DYSF: variants seen among roughly 807,000 people sequenced by gnomAD.
The protein encoded by DYSF is dystrophy-associated fer-1-like 1.
Under a neutral mutation model 274.9 loss-of-function variants are expected in DYSF, and 212 were observed. That is an observed-to-expected ratio of 0.77 (90% CI 0.69 to 0.86). The LOEUF (loss-of-function observed/expected upper bound fraction) is 0.86. DYSF is among the 40% of genes least tolerant of loss of function. The probability of loss-of-function intolerance (pLI) is 0.00; values close to 1 mark genes in which losing one functional copy is unlikely to be tolerated. For synonymous variants in DYSF, 1,091 were observed against 1,078.7 expected (o/e 1.01, Z -0.22); for missense variants, 2,666 against 2,783.2 (o/e 0.96, Z 0.95).
At chr2:71,520,315 G>C (rs2087118086) in intron 11 of DYSF, 107 bp downstream of exon 11, 1 of 1,244,576 alleles carries the variant, frequency 8.0e-7, no homozygotes, top group South Asian at 1.2e-5. Context: ...TTAGAATCTA[G>C]AGGAAGGGTT....
intron 45 of DYSF, among the ~76,000 whole-genome samples, chr2:71,661,190 C>CTTT (rs112275022): frequency 7.4e-6 from 1 of 134,730 alleles, no homozygotes; most frequent in Non-Finnish European, 1.6e-5. Flanking sequence ...TTTGCTAATT[C>CTTT]TTTTTTTTTT....
At chr2:71,509,775 A>C (rs1029315251) in intron 4 of DYSF, among the ~76,000 whole-genome samples, 3 of 151,644 alleles carry the variant, frequency 2.0e-5, no homozygotes, top group Non-Finnish European at 2.9e-5. Context: ...TTATTTATTT[A>C]TTATTTTATT....
At chr2:71,654,718 G>T (rs1438687353) in intron 42 of DYSF, among the ~76,000 whole-genome samples, 2 of 152,082 alleles carry the variant, frequency 1.3e-5, no homozygotes, top group African/African-American at 4.8e-5. Context: ...CCATTAGGAA[G>T]GAAGAGTTTT....
chr2:71,543,564 TG>T (rs1559119415), intron 17 of DYSF, among the ~76,000 whole-genome samples: 1 of 152,174 alleles, frequency 6.6e-6, no homozygotes, highest in African/African-American at 2.4e-5. Context: ...CACTCCAGCC[TG>T]GGCAACATTG....
chr2:71,516,248 T>A lies in DYSF; in HGVS notation c.951+6T>A. 1 of 1,613,948 alleles carries A rather than the reference T, an allele frequency of 6.2e-7. No individual in the cohort carries two copies. On this transcript the variant is annotated splice_donor_region_variant and intron_variant, in intron 9 of 55. Coordinates refer to ENST00000410020, the MANE Select transcript of DYSF (RefSeq NM_001130987.2). ...ATGAGCCCATCTTTATCACGGTATG[T>A]CTCAGCAGTCAAAGTGTTCTCCGTG...
chr2:71,635,108 A>G (rs2094377461), intron 41 of DYSF, among the ~76,000 whole-genome samples: 1 of 152,160 alleles, frequency 6.6e-6, no homozygotes, highest in Non-Finnish European at 1.5e-5. Flanking sequence ...CTGGACCCCC[A>G]AAGTTATAGA....
upstream of DYSF, among the ~76,000 whole-genome samples, chr2:71,464,550 G>C (rs768365105): frequency 6.6e-6 from 1 of 152,186 alleles, no homozygotes; most frequent in Non-Finnish European, 1.5e-5. Context: ...GGAGGCGCTG[G>C]TCTGGCCTGT....
chr2:71,523,738 G>T (rs1447874005), intron 12 of DYSF, among the ~76,000 whole-genome samples: 1 of 151,920 alleles, frequency 6.6e-6, no homozygotes, highest in Admixed American at 6.6e-5. Flanking sequence ...GTAGAGACGG[G>T]GTTTCACCAT....
chr2:71,494,087 C>T (rs2084144714), intron 3 of DYSF, among the ~76,000 whole-genome samples: 1 of 151,818 alleles, frequency 6.6e-6, no homozygotes, highest in Non-Finnish European at 1.5e-5. Flanking sequence ...TTTTTGCAGT[C>T]TTTTGTGAGG....
chr2:71,662,418 GTGTATATGTGTGTA>G (rs1285320086), intron 45 of DYSF, among the ~76,000 whole-genome samples: 1 of 151,946 alleles, frequency 6.6e-6, no homozygotes, highest in Non-Finnish European at 1.5e-5. Flanking sequence ...GCAGTTGTGT[GTGTATATGTGTGTA>G]TGTATGTGTG....
Position 71,466,859 on chromosome 2 carries a change from T to G in DYSF, c.17T>G (p.Leu6Arg). 2 of 1,542,570 alleles carry G rather than the reference T, an allele frequency of 1.3e-6. No homozygotes were observed. The highest frequency in any genetic ancestry group is 1.8e-6 in the Non-Finnish European group (2 of 1,140,228). The change falls in exon 1 of 56, where the codon CTG (leucine) becomes CGG (arginine). Residue 6 changes from leucine to arginine, a missense_variant. This residue lies in a region of DYSF where 794 missense variants were observed against 777.1 expected (regional missense o/e 1.02). Transcript: ENST00000410020. The stretch of plus-strand genomic sequence containing the variant: ...TGCCCAGCCATGCTGTGCTGCCTGC[T>G]GGTGAGGGCCAGCAACCTCCCCAGT... MLCCLLVRASNLPSAK... is the reference protein window; with the variant it reads MLCCLRVRASNLPSAK...
At chr2:71,476,025 G>A (rs2082368044) in intron 1 of DYSF, among the ~76,000 whole-genome samples, 1 of 152,244 alleles carries the variant, frequency 6.6e-6, no homozygotes, top group African/African-American at 2.4e-5. Context: ...TCCCACCTCA[G>A]CCTCCCAAAC....
At position 71,668,756 on chromosome 2, in the gene DYSF, G is replaced by C. The variant is rs549937720; in HGVS notation, c.5460G>C (p.Gly1820=). 6.2e-7 allele frequency: 1 copy of C among 1,613,664 alleles called. No homozygotes were observed. The highest frequency in any genetic ancestry group is 1.3e-5 in the African/African-American group (1 of 75,062). The change falls in exon 49 of 56, where the codon GGG becomes GGC. Residue 1820 remains glycine, a splice_region_variant and synonymous_variant. Coordinates refer to ENST00000410020, the MANE Select transcript of DYSF (RefSeq NM_001130987.2). The stretch of plus-strand genomic sequence containing the variant: ...GAGAACGGACCCTGTCTCCGCAGGG[G>C]AAGCTGCAGATGTGGGTCGACCTAT... ...YSPLQPDIEQ[G]KLQMWVDLFP...
At chr2:71,544,645 G>A (rs1404486785) in intron 17 of DYSF, among the ~76,000 whole-genome samples, 3 of 151,932 alleles carry the variant, frequency 2.0e-5, no homozygotes, top group Non-Finnish European at 4.4e-5. Flanking sequence ...ATTTTTAGTA[G>A]AGACGGGGTT....
chr2:71,538,242 G>A (rs1187306871), intron 16 of DYSF, among the ~76,000 whole-genome samples: 1 of 152,198 alleles, frequency 6.6e-6, no homozygotes, highest in Admixed American at 6.5e-5. Flanking sequence ...CTCTTAGTAC[G>A]TGCTCAATAA....
chr2:71,681,225 G>C, intron 54 of DYSF, 115 bp downstream of exon 54: 3 of 946,128 alleles, frequency 3.2e-6, no homozygotes, highest in Admixed American at 2.0e-5. Context: ...GTGGCTCAGA[G>C]AGGGGCACGA....
In DYSF at chr2:71,471,949, G is replaced by T. The variant is rs946530567; in HGVS notation, c.91+5016G>T. ...CCACTGCTCTCCAGCCTGGATGACA[G>T]AATGAGACTCAGTCTCAAAAACATC... On this transcript the variant is annotated intron_variant, in intron 1 of 55. Transcript: ENST00000410020. Among the ~76,000 whole-genome samples, 5 of 152,242 alleles carry T rather than the reference G, an allele frequency of 3.3e-5. No individual in the cohort carries two copies. The East Asian group carries it at 9.6e-4, about 29-fold the overall frequency.
In DYSF at chr2:71,514,127, G is replaced by C. The variant is rs55816929; in HGVS notation, c.759+206G>C. Among the ~76,000 whole-genome samples, 33,187 of 143,450 alleles carry C rather than the reference G, an allele frequency of 0.23. 4,618 individuals carry two copies. The highest frequency in any genetic ancestry group is 0.4 in the African/African-American group (15,392 of 38,448). 94.1% of individuals were successfully genotyped at this position (143,450 alleles called of 152,430 possible). ...TACATCCACAGAATAAGCTTCTGCC[G>C]AGACCTGTGGTTTTGCGCTTAAAAA... On this transcript the variant is annotated intron_variant, in intron 7 of 55. Transcript: ENST00000410020.
intron 3 of DYSF, among the ~76,000 whole-genome samples, chr2:71,492,321 C>T (rs891473294): frequency 1.4e-4 from 22 of 152,132 alleles, no homozygotes; most frequent in Non-Finnish European, 2.2e-4. Context: ...GCACGCATAG[C>T]GGAGAGCTGG....
Sources: gnomAD v4.1 joint callset for allele counts (sites outside exome capture counted in the v4.1 genomes callset) on GRCh38, gnomAD v4.1.1 for gene constraint, gnomAD v4.1.1 regional missense constraint, MANE v1.5 for transcripts, NCBI Gene and HGNC (gene_info 2026-07-23, HGNC 2026-07-21) for gene names.